ESR1: variants seen among roughly 807,000 people sequenced by gnomAD.
ESR1 encodes estrogen receptor 1, also known as estrogen receptor.
Under a neutral mutation model 52.7 loss-of-function variants are expected in ESR1, and 12 were observed. The ratio of observed to expected loss-of-function variants is 0.23; its 90% CI spans 0.15 to 0.37. ESR1 has a LOEUF of 0.37. Among genes scored for constraint, ESR1 ranks in the 10% least tolerant of loss-of-function variants. ESR1 has a pLI of 1.00. For synonymous variants in ESR1, 305 were observed against 316.8 expected, an observed-to-expected ratio of 0.96 and a Z score of 0.39; for missense variants, 584 against 779.7, an observed-to-expected ratio of 0.75 and a Z score of 2.99.
intron 1 of ESR1, among the ~76,000 whole-genome samples, chr6:151,837,111 A>G (rs1783464968): frequency 6.8e-6 from 1 of 148,098 alleles, no homozygotes; most frequent in South Asian, 2.1e-4. Flanking sequence ...GAATACCTTC[A>G]GACATCCCTC....
intron 4 of ESR1, among the ~76,000 whole-genome samples, chr6:151,957,235 T>C (rs2037105958): frequency 6.6e-6 from 1 of 152,088 alleles, no homozygotes; most frequent in Non-Finnish European, 1.5e-5. Context: ...GGCGACCCAG[T>C]CCCCTAGTAA....
intron 3 of ESR1, among the ~76,000 whole-genome samples, chr6:151,919,867 G>A (rs1584229297): frequency 1.3e-5 from 2 of 151,994 alleles, no homozygotes; most frequent in East Asian, 3.9e-4. Context: ...GAGGAAGAAT[G>A]TTCTAGAAAC....
intron 1 of ESR1, among the ~76,000 whole-genome samples, chr6:151,825,457 G>A (rs1781321112): frequency 6.6e-6 from 1 of 152,188 alleles, no homozygotes; most frequent in Non-Finnish European, 1.5e-5. Flanking sequence ...CCATTTTCTG[G>A]GGGAAAATTC....
At chr6:152,041,451 G>T (rs1266780747) in intron 5 of ESR1, among the ~76,000 whole-genome samples, 1 of 152,194 alleles carries the variant, frequency 6.6e-6, no homozygotes, top group Non-Finnish European at 1.5e-5. Flanking sequence ...CTCTTTCTTA[G>T]TTGTAGGAGG....
chr6:151,816,934 A>G (rs1779751537), intron 1 of ESR1, among the ~76,000 whole-genome samples: 1 of 152,168 alleles, frequency 6.6e-6, no homozygotes, highest in South Asian at 2.1e-4. Flanking sequence ...TAATCAATCA[A>G]TAAAAAGAGT....
chr6:151,662,140 G>C (rs568006162), intron 1 of ESR1, among the ~76,000 whole-genome samples: 1 of 152,120 alleles, frequency 6.6e-6, no homozygotes, highest in Non-Finnish European at 1.5e-5. Context: ...ACAGGAGGGC[G>C]CTCGAGAGAC....
intron 3 of ESR1, among the ~76,000 whole-genome samples, chr6:151,899,532 C>A (rs1207708503): frequency 4.0e-5 from 6 of 148,270 alleles, no homozygotes; most frequent in African/African-American, 1.2e-4. Context: ...GGGGCTGACC[C>A]CCCCACCTCC....
intron 5 of ESR1, among the ~76,000 whole-genome samples, chr6:152,029,718 C>A (rs2044504003): frequency 1.3e-5 from 2 of 152,310 alleles, no homozygotes; most frequent in Middle Eastern, 3.4e-3. Flanking sequence ...AAACACTCTG[C>A]AGGATATTAT....
chr6:151,816,627 C>T (rs1341852087), intron 1 of ESR1, among the ~76,000 whole-genome samples: 1 of 152,126 alleles, frequency 6.6e-6, no homozygotes, highest in African/African-American at 2.4e-5. Context: ...AACTTTAATA[C>T]CCTATTGTGA....
chr6:152,100,600 G>A lies in ESR1; in HGVS notation c.*1634G>A. On this transcript the variant is annotated 3_prime_UTR_variant, in exon 8 of 8. Transcript: ENST00000206249. The stretch of plus-strand genomic sequence containing the variant: ...AAAAAGAATGTTTGATTTCCTCTGG[G>A]TGACCTTATTGTCTGTAATTGAAAC... The A allele has an allele frequency of 4.3e-6, 1 of 232,128 alleles. No homozygotes were observed. The highest frequency in any genetic ancestry group is 8.5e-6 in the Non-Finnish European group (1 of 117,450). The allele number at this position is 232,128 out of a possible 1,614,324, so 14.4% of individuals were successfully genotyped here.
chr6:151,970,957 T>A (rs1378036232), intron 4 of ESR1, among the ~76,000 whole-genome samples: 1 of 152,218 alleles, frequency 6.6e-6, no homozygotes, highest in Non-Finnish European at 1.5e-5. Context: ...TTTGTATCTT[T>A]ACTCTGTTAT....
chr6:152,020,447 T>C (rs2043540870), intron 5 of ESR1, among the ~76,000 whole-genome samples: 1 of 152,030 alleles, frequency 6.6e-6, no homozygotes, highest in Non-Finnish European at 1.5e-5. Flanking sequence ...ATTTTTTCCT[T>C]TTTTTTGTTT....
upstream of ESR1, among the ~76,000 whole-genome samples, chr6:151,803,303 T>G (rs1408265250): frequency 6.6e-6 from 1 of 152,098 alleles, no homozygotes; most frequent in Non-Finnish European, 1.5e-5. Context: ...AAATTTTCTT[T>G]GAATAGAGAC....
chr6:151,675,360 G>A (rs1232807806), intron 1 of ESR1, among the ~76,000 whole-genome samples: 1 of 152,136 alleles, frequency 6.6e-6, no homozygotes, highest in African/African-American at 2.4e-5. Context: ...TTGGGTGTGG[G>A]TGGTTGGATG....
intron 2 of ESR1, among the ~76,000 whole-genome samples, chr6:151,736,381 T>TC (rs1782675080): frequency 6.9e-6 from 1 of 144,828 alleles, no homozygotes; most frequent in Non-Finnish European, 1.5e-5. Context: ...TAGTGTTTTT[T>TC]TTTTTTTTTG....
intron 3 of ESR1, among the ~76,000 whole-genome samples, chr6:151,916,189 A>G (rs1442251575): frequency 1.3e-5 from 2 of 152,178 alleles, no homozygotes; most frequent in Admixed American, 6.6e-5. Context: ...AGTATAATAG[A>G]TCTGCTACTT....
chr6:151,907,484 T>G (rs1295801305), intron 3 of ESR1, among the ~76,000 whole-genome samples: 3 of 152,104 alleles, frequency 2.0e-5, no homozygotes, highest in Non-Finnish European at 4.4e-5. Context: ...AAAATTATAT[T>G]ATTAAATTGT....
chr6:151,819,088 C>T (rs974747575), intron 1 of ESR1, among the ~76,000 whole-genome samples: 5 of 152,114 alleles, frequency 3.3e-5, no homozygotes, highest in Non-Finnish European at 7.4e-5. Context: ...GTACCATGTA[C>T]CCTTCTTTCT....
At chr6:151,661,394 A>G (rs1777633970) in intron 1 of ESR1, among the ~76,000 whole-genome samples, 1 of 152,218 alleles carries the variant, frequency 6.6e-6, no homozygotes, top group Non-Finnish European at 1.5e-5. Flanking sequence ...TCCCTAAGGT[A>G]CATCTCCTGG....
Sources: allele counts gnomAD v4.1 joint callset (sites outside exome capture counted in the v4.1 genomes callset), GRCh38; gene constraint gnomAD v4.1.1; transcripts MANE v1.5; gene names NCBI Gene and HGNC (gene_info 2026-07-23, HGNC 2026-07-21).